Variants in RCOR1 observed in about 807,000 individuals in gnomAD.
The protein encoded by RCOR1 is REST corepressor 1, also known as REST corepressor.
Under a neutral mutation model 64.0 loss-of-function variants are expected in RCOR1, and 12 were observed. The observed-to-expected ratio is 0.19, with a 90% CI of 0.12 to 0.30. RCOR1 has a LOEUF of 0.30. Among genes scored for constraint, RCOR1 ranks in the 10% least tolerant of loss-of-function variants. The probability of loss-of-function intolerance (pLI) is 1.00; values close to 1 mark genes in which losing one functional copy is unlikely to be tolerated. For synonymous variants in RCOR1, 279 were observed against 227.2 expected (o/e 1.23, Z -2.05); for missense variants, 502 against 621.2 (o/e 0.81, Z 2.04).
In RCOR1 at chr14:102,714,584, A is replaced by G. The variant is rs1896027580; in HGVS notation, c.1020A>G (p.Gln340=). ...CTGCTGCTACCACGGTGCTGAGACAACTAGACATGGAATTGGTTTCAGTCA... is the reference window on the plus strand; with the variant it reads ...CTGCTGCTACCACGGTGCTGAGACAGCTAGACATGGAATTGGTTTCAGTCA... The part of the protein sequence containing the change: ...NATAATTVLR[Q]LDMELVSVKR... The change falls in exon 8 of 12, where the codon CAA becomes CAG. Residue 340 remains glutamine (Q), a synonymous_variant. Coordinates refer to ENST00000262241, the MANE Select transcript of RCOR1 (RefSeq NM_015156.4). The G allele has an allele frequency of 6.2e-7, 1 of 1,610,916 alleles. No homozygotes were observed. The highest frequency in any genetic ancestry group is 1.3e-5 in the African/African-American group (1 of 74,938).
intron 2 of RCOR1, among the ~76,000 whole-genome samples, chr14:102,608,325 C>T (rs1893558461): frequency 6.6e-6 from 1 of 152,170 alleles, no homozygotes; most frequent in African/African-American, 2.4e-5. Context: ...TGTCTGGCTT[C>T]TATCACTTAG....
intron 2 of RCOR1, among the ~76,000 whole-genome samples, chr14:102,620,667 G>A (rs1478809632): frequency 6.6e-6 from 1 of 152,142 alleles, no homozygotes; most frequent in Non-Finnish European, 1.5e-5. Context: ...GGCTCAGTGA[G>A]CTCTGATTGT....
intron 2 of RCOR1, among the ~76,000 whole-genome samples, chr14:102,676,707 T>G (rs1198791855): frequency 4.5e-4 from 36 of 79,692 alleles, no homozygotes; most frequent in South Asian, 9.7e-4. Flanking sequence ...CCTCCCGGAC[T>G]GGGCGGCTGG....
At chr14:102,696,208 C>T (rs1418331401) in intron 3 of RCOR1, among the ~76,000 whole-genome samples, 2 of 152,032 alleles carry the variant, frequency 1.3e-5, no homozygotes, top group East Asian at 1.9e-4. Context: ...TGTGGGAAAT[C>T]GGTTCATTTT....
intron 7 of RCOR1, among the ~76,000 whole-genome samples, chr14:102,712,717 T>G (rs184047761): frequency 6.6e-6 from 1 of 151,770 alleles, no homozygotes; most frequent in Non-Finnish European, 1.5e-5. Flanking sequence ...GTCGTTTTTT[T>G]CTGCATAATT....
chr14:102,628,147 C>T (rs953323785), intron 2 of RCOR1, among the ~76,000 whole-genome samples: 16 of 152,112 alleles, frequency 1.1e-4, no homozygotes, highest in African/African-American at 2.9e-4. Flanking sequence ...GAGGAGTTCC[C>T]TCTTAAACTC....
chr14:102,653,724 T>A (rs936602024), intron 2 of RCOR1, among the ~76,000 whole-genome samples: 16 of 151,940 alleles, frequency 1.1e-4, no homozygotes, highest in South Asian at 6.2e-4. Context: ...ACCTCCCTCT[T>A]GTCTCTCTTG....
At chr14:102,688,814 C>T (rs1895472304) in intron 3 of RCOR1, among the ~76,000 whole-genome samples, 1 of 152,216 alleles carries the variant, frequency 6.6e-6, no homozygotes, top group Admixed American at 6.5e-5. Flanking sequence ...TCTCCTCAGT[C>T]CCCACTGTGA....
At position 102,630,353 on chromosome 14, in the gene RCOR1, G is replaced by A. The variant is rs140508719; in HGVS notation, c.361+37028G>A. On this transcript the variant is annotated intron_variant, in intron 2 of 11. Transcript: ENST00000262241. ...TCACCAGATGCCCCATCTTCCAGCC[G>A]GCGGAATCATGAGCCAAGTGAATTT... Among the ~76,000 whole-genome samples the A allele has an allele frequency of 9.9e-5, 15 of 152,276 alleles. 1 individual carries two copies. The East Asian group carries it at 2.1e-3, about 22-fold the overall frequency.
chr14:102,641,603 TA>T (rs956565049), intron 2 of RCOR1, among the ~76,000 whole-genome samples: 40 of 150,566 alleles, frequency 2.7e-4, no homozygotes, highest in African/African-American at 5.3e-4. Context: ...CTGTCTCAAT[TA>T]AAAAAAAAAT....
intron 2 of RCOR1, among the ~76,000 whole-genome samples, chr14:102,621,978 C>T (rs1158995094): frequency 1.3e-5 from 2 of 152,148 alleles, no homozygotes; most frequent in Admixed American, 6.5e-5. Flanking sequence ...AATTCCTCCC[C>T]CTCTCCCCGC....
At chr14:102,653,201 C>T (rs1285762615) in intron 2 of RCOR1, among the ~76,000 whole-genome samples, 2 of 152,000 alleles carry the variant, frequency 1.3e-5, no homozygotes, top group African/African-American at 4.8e-5. Context: ...GGATTACAGG[C>T]GTGAGCTACT....
chr14:102,670,831 C>T (rs910003981), intron 2 of RCOR1, among the ~76,000 whole-genome samples: 2 of 151,312 alleles, frequency 1.3e-5, no homozygotes, highest in African/African-American at 4.9e-5. Context: ...TGGAGTGCAG[C>T]GGTGTTGTCT....
chr14:102,637,040 A>G (rs1894256167), intron 2 of RCOR1, among the ~76,000 whole-genome samples: 1 of 152,158 alleles, frequency 6.6e-6, no homozygotes, highest in Non-Finnish European at 1.5e-5. Context: ...GCCTTTTGAC[A>G]TAGACTTTGT....
At chr14:102,672,666 C>G (rs989741896) in intron 2 of RCOR1, among the ~76,000 whole-genome samples, 3 of 152,168 alleles carry the variant, frequency 2.0e-5, no homozygotes, top group Non-Finnish European at 4.4e-5. Flanking sequence ...ATATGCTCAA[C>G]CTCTTTATTC....
At chr14:102,611,864 C>T (rs1369138554) in intron 2 of RCOR1, among the ~76,000 whole-genome samples, 1 of 152,176 alleles carries the variant, frequency 6.6e-6, no homozygotes, top group Non-Finnish European at 1.5e-5. Flanking sequence ...AGGTGTCTTG[C>T]TCTGTCACTC....
At chr14:102,698,207 G>A (rs1471532769) in intron 3 of RCOR1, among the ~76,000 whole-genome samples, 1 of 152,216 alleles carries the variant, frequency 6.6e-6, no homozygotes, top group Non-Finnish European at 1.5e-5. Flanking sequence ...TGAAAATGGA[G>A]TAGCATTCAA....
intron 4 of RCOR1, among the ~76,000 whole-genome samples, chr14:102,704,710 G>A (rs558574348): frequency 5.4e-4 from 82 of 152,352 alleles, no homozygotes; most frequent in African/African-American, 1.9e-3. Context: ...GATTATAGGC[G>A]TGAGCCACCG....
intron 2 of RCOR1, among the ~76,000 whole-genome samples, chr14:102,653,989 T>TG (rs1567423504): frequency 1.9e-4 from 23 of 119,148 alleles, no homozygotes; most frequent in African/African-American, 8.1e-4. Context: ...CTTTCTTTTT[T>TG]TTTTTTTTTT....
Sources: gnomAD v4.1 joint callset for allele counts (sites outside exome capture counted in the v4.1 genomes callset) on GRCh38, gnomAD v4.1.1 for gene constraint, MANE v1.5 for transcripts, NCBI Gene and HGNC (gene_info 2026-07-23, HGNC 2026-07-21) for gene names.